CHD5: variants seen among roughly 807,000 people sequenced by gnomAD.
CHD5 encodes the protein ATP-dependent chromatin remodeler CHD5.
In CHD5, 69 loss-of-function variants were observed where a neutral mutation model predicts 230.3. The ratio of observed to expected loss-of-function variants is 0.30; its 90% CI spans 0.25 to 0.37. CHD5 has a LOEUF of 0.37. CHD5 is among the 10% of genes least tolerant of loss of function. The pLI is 1.00. For missense variants in CHD5, 1,827 were observed against 2,622.8 expected (o/e 0.70, Z 6.63); for synonymous variants, 1,064 against 1,065.9 (o/e 1.00, Z 0.03).
intron 3 of CHD5, among the ~76,000 whole-genome samples, 160 bp downstream of exon 3, chr1:6,159,176 G>A (rs1010600317): frequency 6.6e-6 from 1 of 151,936 alleles, no homozygotes; most frequent in African/African-American, 2.4e-5. Flanking sequence ...CGGTTGCAGT[G>A]AGCCGAGGTC....
At position 6,155,699 on chromosome 1, in the gene CHD5, G is replaced by A; in HGVS notation, c.406C>T (p.Gln136Ter). 6.2e-7 allele frequency: 1 copy of A among 1,614,028 alleles called. No homozygotes were observed. Among genetic ancestry groups the A allele is most frequent in the Non-Finnish European group, 8.5e-7 (1 of 1,179,972 alleles). Residue 136 changes from glutamine (Q) to a stop codon, truncating the protein, a stop_gained, in exon 4 of 42, where the codon CAG becomes TAG. Coordinates refer to ENST00000262450, the MANE Select transcript of CHD5 (RefSeq NM_015557.3). LOFTEE classifies it high-confidence loss of function. The surrounding 1 kb of genome is among the most constrained non-coding windows in gnomAD (Gnocchi z 4.0). ...TCCAGGCCCCACTCGGCCATGAGCT[G>A]CCCCGAGGACTTGGGCTCCTACAGA... ...GCLKEPKSSGQLMAEWGLDDV... is the reference protein window; with the variant it reads ...GCLKEPKSSG
At position 6,130,135 on chromosome 1, in the gene CHD5, G is replaced by A. The variant is rs772937291; in HGVS notation, c.3387+69C>T. ...GGGGTGATGGCAAGAAGGGCATGAA[G>A]GACAGAACCTGCCTGAGGCCCGGGA... On this transcript the variant is annotated intron_variant, in intron 22 of 41. Transcript: ENST00000262450. The surrounding 1 kb of genome is among the most constrained non-coding windows in gnomAD (Gnocchi z 4.9). 3.2e-6 allele frequency: 5 copies of A among 1,581,662 alleles called. No individual in the cohort carries two copies. The highest frequency in any genetic ancestry group is 1.1e-5 in the South Asian group (1 of 89,184).
chr1:6,128,424 T>C lies in CHD5; in HGVS notation c.3730+75A>G. On this transcript the variant is annotated intron_variant, in intron 24 of 41. Transcript: ENST00000262450. The surrounding 1 kb of genome is among the most constrained non-coding windows in gnomAD (Gnocchi z 7.8). ...CCCAGGACGCCCAAGTGAGGGCAGG[T>C]CAGGGAACCCCTCCTCTGCAGGAGC... is the stretch of plus-strand genomic sequence containing the variant. 1 of 1,320,920 alleles carries C rather than the reference T, an allele frequency of 7.6e-7. No homozygotes were observed. The highest frequency in any genetic ancestry group is 1.1e-6 in the Non-Finnish European group (1 of 928,106). The allele number at this position is 1,320,920 out of a possible 1,614,324, so 81.8% of individuals were successfully genotyped here. A position where few individuals can be genotyped will look rare whatever the true frequency, so the allele number is the denominator to read the frequency against.
intron 34 of CHD5, among the ~76,000 whole-genome samples, chr1:6,112,703 A>G (rs1020485832): frequency 1.4e-4 from 22 of 152,224 alleles, no homozygotes; most frequent in Admixed American, 1.2e-3. Context: ...GCAAGGGCAC[A>G]GCAGGGCTCA....
In CHD5 at chr1:6,126,031, G is replaced by A. The variant is rs181256084; in HGVS notation, c.4079-173C>T. ...CATTTAGTAATCCCAACACCACCAC[G>A]TTATACACTAAGGGTACCATGTGTA... is the stretch of plus-strand genomic sequence containing the variant. On this transcript the variant is annotated intron_variant, in intron 26 of 41. Transcript: ENST00000262450. The surrounding 1 kb of genome is among the most constrained non-coding windows in gnomAD (Gnocchi z 5.7). Among the ~76,000 whole-genome samples, 28 of 152,192 alleles carry A rather than the reference G, an allele frequency of 1.8e-4. No individual in the cohort carries two copies. Among genetic ancestry groups the A allele is most frequent in the Non-Finnish European group, 3.7e-4 (25 of 68,014 alleles).
At chr1:6,123,828 A>G (rs1666510042) in intron 31 of CHD5, 120 bp downstream of exon 31, 1 of 638,886 alleles carries the variant, frequency 1.6e-6, no homozygotes, top group African/African-American at 1.9e-5. Flanking sequence ...TTCAGCAAAC[A>G]GAGGCTTTGG....
At chr1:6,118,133 T>A (rs1428850649) in intron 33 of CHD5, among the ~76,000 whole-genome samples, 1 of 152,110 alleles carries the variant, frequency 6.6e-6, no homozygotes, top group African/African-American at 2.4e-5. Context: ...CCCAGCACTT[T>A]GGGAGGTCAA....
chr1:6,106,539 G>A lies in CHD5; in HGVS notation c.5743-30C>T, dbSNP rs890752617. 5.8e-6 allele frequency: 9 copies of A among 1,550,438 alleles called. No individual in the cohort carries two copies. In the African/African-American group the frequency reaches 1.1e-4, roughly 19 times the overall value. ...AGGCAAGGACTCAGCTTCACAGGTG[G>A]TCTCAGGCCCCCCACCCAGCCTCCA... On this transcript the variant is annotated intron_variant, in intron 39 of 41. Transcript: ENST00000262450.
rs375859800 is a variant in CHD5, at chr1:6,121,251, G to T, written c.4780-14C>A. On this transcript the variant is annotated splice_polypyrimidine_tract_variant and intron_variant, in intron 32 of 41. Coordinates refer to ENST00000262450, the MANE Select transcript of CHD5 (RefSeq NM_015557.3). The surrounding 1 kb of genome is among the most constrained non-coding windows in gnomAD (Gnocchi z 4.5). ...GGCTGGAAGGGCCTGCAGAGGAAAA[G>T]CCAGGAGAACTACAAGGCCTGGGGC... 2.5e-6 allele frequency: 4 copies of T among 1,603,984 alleles called. No individual in the cohort carries two copies. Among genetic ancestry groups the T allele is most frequent in the Non-Finnish European group, 3.4e-6 (4 of 1,176,614 alleles).
rs971172551 is a variant in CHD5, at chr1:6,155,481, G to A, written c.506+118C>T. On this transcript the variant is annotated intron_variant, in intron 4 of 41. Coordinates refer to ENST00000262450, the MANE Select transcript of CHD5 (RefSeq NM_015557.3). The surrounding 1 kb of genome is among the most constrained non-coding windows in gnomAD (Gnocchi z 4.0). The stretch of plus-strand genomic sequence containing the variant: ...TCCAGCTCCCCCAGGTTGCTCAGTC[G>A]GTCTGACAGAGCCCACCCCTACCCC... 2.7e-5 allele frequency: 22 copies of A among 815,108 alleles called. No individual in the cohort carries two copies. The highest frequency in any genetic ancestry group is 5.1e-5 in the East Asian group (2 of 39,434). 50.5% of individuals were successfully genotyped at this position (815,108 alleles called of 1,614,324 possible).
rs529012805 is a variant in CHD5, at chr1:6,180,305, C to T, written c.-282G>A. 1.2e-3 allele frequency among the ~76,000 whole-genome samples: 183 copies of T among 151,552 alleles called. 1 individual carries two copies. Among genetic ancestry groups the T allele is most frequent in the African/African-American group, 4.1e-3 (170 of 41,398 alleles). Reference sequence around the variant, plus strand: ...CGGCCGAGGGTGGCGGCGGCAGCGCCAGAGGCACGGCGGCACGGCGGGGGG... The same window carrying T: ...CGGCCGAGGGTGGCGGCGGCAGCGCTAGAGGCACGGCGGCACGGCGGGGGG... On this transcript the variant is annotated 5_prime_UTR_variant, in exon 1 of 42. Transcript: ENST00000262450.
intron 1 of CHD5, among the ~76,000 whole-genome samples, chr1:6,177,508 C>A (rs115609446): frequency 1.3e-5 from 2 of 152,168 alleles, no homozygotes; most frequent in Admixed American, 6.5e-5. Flanking sequence ...GACAACGTTT[C>A]GAGTATGTGA....
At chr1:6,118,659 C>A (rs1028840515) in intron 33 of CHD5, among the ~76,000 whole-genome samples, 6 of 151,548 alleles carry the variant, frequency 4.0e-5, no homozygotes, top group Non-Finnish European at 5.9e-5. Flanking sequence ...GATGGTTGCA[C>A]AACTCTGGAT....
At chr1:6,161,139 AAAGGAAAGGGTGGCAG>A (rs1470583635) in intron 2 of CHD5, among the ~76,000 whole-genome samples, 16 of 150,586 alleles carry the variant, frequency 1.1e-4, no homozygotes, top group African/African-American at 4.0e-4. Flanking sequence ...AGGGAGAAGG[AAAGGAAAGGGTGGCAG>A]AAGGAAAGAG....
At chr1:6,172,633 G>A (rs924299313) in intron 1 of CHD5, among the ~76,000 whole-genome samples, 6 of 152,166 alleles carry the variant, frequency 3.9e-5, no homozygotes, top group Admixed American at 6.5e-5. Context: ...ACCCCCTTGC[G>A]AAGTCTCTCC....
intron 33 of CHD5, among the ~76,000 whole-genome samples, chr1:6,113,844 A>T (rs539343426): frequency 2.0e-5 from 3 of 152,210 alleles, no homozygotes; most frequent in Admixed American, 6.5e-5. Context: ...ACAGCATCAT[A>T]AAGCTGCTCC....
intron 15 of CHD5, among the ~76,000 whole-genome samples, chr1:6,141,895 T>G (rs1326242230): frequency 6.6e-6 from 1 of 152,100 alleles, no homozygotes; most frequent in Non-Finnish European, 1.5e-5. Flanking sequence ...CCTCCAGAAC[T>G]GTGACCGAAT....
At position 6,117,341 on chromosome 1, in the gene CHD5, CAA is replaced by C. The variant is rs143620568; in HGVS notation, c.4912+3762_4912+3763del. 6.6e-5 allele frequency among the ~76,000 whole-genome samples: 10 copies of C among 152,044 alleles called. No homozygotes were observed. The East Asian group carries it at 1.9e-3, about 29-fold the overall frequency. ...TACAAAAGATAGACCTAAAACATTACAAAGAGATTAAAAGTGAAGAAATGAAA... is the reference window on the plus strand; with the variant it reads ...TACAAAAGATAGACCTAAAACATTACAGAGATTAAAAGTGAAGAAATGAAA... On this transcript the variant is annotated intron_variant, in intron 33 of 41. Coordinates refer to ENST00000262450, the MANE Select transcript of CHD5 (RefSeq NM_015557.3).
chr1:6,162,498 T>C (rs1667193553), intron 2 of CHD5, among the ~76,000 whole-genome samples: 1 of 151,872 alleles, frequency 6.6e-6, no homozygotes. Context: ...AGGGGAGGGA[T>C]GGGACGTGCA....
Sources: allele counts gnomAD v4.1 joint callset (sites outside exome capture counted in the v4.1 genomes callset), GRCh38; gene constraint gnomAD v4.1.1; non-coding constraint Gnocchi (gnomAD v3.1); transcripts MANE v1.5; gene names NCBI Gene and HGNC (gene_info 2026-07-23, HGNC 2026-07-21).